The following ITPK1 variants were observed in gnomAD, a reference collection of about 807,000 sequenced individuals.
ITPK1 encodes the protein inositol-tetrakisphosphate 1-kinase, also known as inositol 1,3,4-trisphosphate 5/6-kinase.
ITPK1 carries 21 observed loss-of-function variants against 45.3 expected under a neutral mutation model. The ratio of observed to expected loss-of-function variants is 0.46; its 90% CI spans 0.33 to 0.67. ITPK1 has a LOEUF of 0.67. Ranked by LOEUF, ITPK1 falls within the 30% of genes least tolerant of loss-of-function variation. The probability of loss-of-function intolerance (pLI) is 0.02; values close to 1 mark genes in which losing one functional copy is unlikely to be tolerated. For missense variants in ITPK1, 474 were observed against 573.5 expected (o/e 0.83, Z 1.77); for synonymous variants, 258 against 253.6 (o/e 1.02, Z -0.16).
intron 3 of ITPK1, among the ~76,000 whole-genome samples, chr14:93,065,836 G>A (rs1203768940): frequency 6.6e-6 from 1 of 152,228 alleles, no homozygotes; most frequent in Non-Finnish European, 1.5e-5. Flanking sequence ...GGGACATAGG[G>A]ATGGTGGGAA....
At chr14:93,026,234 A>T (rs1374444772) in intron 3 of ITPK1, among the ~76,000 whole-genome samples, 1 of 152,250 alleles carries the variant, frequency 6.6e-6, no homozygotes, top group Non-Finnish European at 1.5e-5. Flanking sequence ...TTATATTTGC[A>T]GCTTATATCA....
chr14:92,946,219 T>A lies in ITPK1; in HGVS notation c.901+112A>T. 3 of 1,267,162 alleles carry A rather than the reference T, an allele frequency of 2.4e-6. No homozygotes were observed. The East Asian group carries it at 7.0e-5, about 29-fold the overall frequency. The allele number at this position is 1,267,162 out of a possible 1,614,324, so 78.5% of individuals were successfully genotyped here. On this transcript the variant is annotated intron_variant, in intron 10 of 10. Transcript: ENST00000267615. ...CGGGGCTGCACCTCCCCGGACCTCG[T>A]GGTGAGGGAGAAAGCTGGCTTTCTG... is the stretch of plus-strand genomic sequence containing the variant.
At position 92,962,841 on chromosome 14, in the gene ITPK1, T is replaced by C. The variant is rs748180262; in HGVS notation, c.373A>G (p.Ile125Val). ...AGCTCCATGAAGGGTGGCGAGCAGA[T>C]CCTGTCGTCTAGGGCAGAAGGGAGG... ...KIEAYMEDDR[I>V]CSPPFMELTS... The change falls in exon 6 of 11, where the codon ATC becomes GTC. Residue 125 changes from isoleucine to valine, a missense_variant. By Grantham distance (29) the Ile-to-Val change is conservative (BLOSUM62 3). Coordinates refer to ENST00000267615, the MANE Select transcript of ITPK1 (RefSeq NM_014216.6). 6.2e-7 allele frequency: 1 copy of C among 1,612,602 alleles called. No individual in the cohort carries two copies. Among genetic ancestry groups the C allele is most frequent in the Non-Finnish European group, 8.5e-7 (1 of 1,179,018 alleles).
At chr14:92,970,228 G>A (rs1457403009) in intron 5 of ITPK1, among the ~76,000 whole-genome samples, 2 of 152,214 alleles carry the variant, frequency 1.3e-5, no homozygotes, top group Non-Finnish European at 2.9e-5. Flanking sequence ...CCAGCCCGAC[G>A]CTGGACCTGG....
At chr14:93,055,000 G>T (rs1044249541) in intron 3 of ITPK1, among the ~76,000 whole-genome samples, 1 of 152,118 alleles carries the variant, frequency 6.6e-6, no homozygotes, top group Admixed American at 6.5e-5. Flanking sequence ...AAAGGTGACC[G>T]CCAGCCTGCC....
intron 3 of ITPK1, among the ~76,000 whole-genome samples, chr14:93,048,541 C>T (rs1199486727): frequency 6.6e-6 from 1 of 152,218 alleles, no homozygotes; most frequent in Admixed American, 6.5e-5. Flanking sequence ...GTCCACGTGC[C>T]TGTCGCCTCA....
chr14:92,964,640 G>T (rs1885253675), intron 5 of ITPK1, among the ~76,000 whole-genome samples: 1 of 152,220 alleles, frequency 6.6e-6, no homozygotes. Context: ...CTTCGGACGG[G>T]CGCTCACCAG....
intron 3 of ITPK1, among the ~76,000 whole-genome samples, chr14:93,052,657 C>T (rs925368464): frequency 6.6e-6 from 1 of 152,258 alleles, no homozygotes; most frequent in African/African-American, 2.4e-5. Context: ...CAAGCCTCAC[C>T]GGCCTTCTGG....
chr14:92,948,758 C>T (rs946515871), intron 9 of ITPK1, among the ~76,000 whole-genome samples: 5 of 152,186 alleles, frequency 3.3e-5, no homozygotes, highest in Non-Finnish European at 5.9e-5. Flanking sequence ...TGGGAACTTC[C>T]AGGGAGGGAA....
intron 2 of ITPK1, among the ~76,000 whole-genome samples, chr14:93,077,088 C>G (rs1417419496): frequency 6.6e-6 from 1 of 152,204 alleles, no homozygotes; most frequent in African/African-American, 2.4e-5. Flanking sequence ...ACGGGAGGCC[C>G]ACACAGTCCT....
chr14:92,948,647 TA>T (rs36040096), intron 9 of ITPK1, among the ~76,000 whole-genome samples: 14,736 of 144,810 alleles, frequency 0.1, 747 homozygotes, highest in South Asian at 0.23. Context: ...GCACCTGAAT[TA>T]AAAAAAAAAA....
In ITPK1 at chr14:93,012,785, G is replaced by A. The variant is rs1005033161; in HGVS notation, c.246+3891C>T. 6.6e-6 allele frequency among the ~76,000 whole-genome samples: 1 copy of A among 152,230 alleles called. No homozygotes were observed. Among genetic ancestry groups the A allele is most frequent in the Non-Finnish European group, 1.5e-5 (1 of 68,030 alleles). On this transcript the variant is annotated intron_variant, in intron 4 of 10. Coordinates refer to ENST00000267615, the MANE Select transcript of ITPK1 (RefSeq NM_014216.6). The surrounding 1 kb of genome is among the most constrained non-coding windows in gnomAD (Gnocchi z 4.9). ...TGATAAAGACAGGGCAAAGGCAGCA[G>A]TTGAGACTGAAACTTCCTTCTTAGT...
In ITPK1 at chr14:93,032,043, G is replaced by C. The variant is rs1040550333; in HGVS notation, c.121-15242C>G. ...TTCCTTGAGGCAGTTTTCCAAACTG[G>C]TATTTGATATAATAGTAACAAAGCA... is the stretch of plus-strand genomic sequence containing the variant. On this transcript the variant is annotated intron_variant, in intron 3 of 10. Coordinates refer to ENST00000267615, the MANE Select transcript of ITPK1 (RefSeq NM_014216.6). The surrounding 1 kb of genome is among the most constrained non-coding windows in gnomAD (Gnocchi z 4.0). 5.9e-5 allele frequency among the ~76,000 whole-genome samples: 9 copies of C among 152,160 alleles called. No individual in the cohort carries two copies. The highest frequency in any genetic ancestry group is 2.2e-4 in the African/African-American group (9 of 41,442).
chr14:92,959,553 G>A (rs79483848), intron 7 of ITPK1, among the ~76,000 whole-genome samples: 2,463 of 152,260 alleles, frequency 0.016, 28 homozygotes, highest in Non-Finnish European at 0.026. Context: ...GGAAAAACAC[G>A]AGCAGCTCTG....
At chr14:93,089,910 TAG>T in intron 2 of ITPK1, among the ~76,000 whole-genome samples, 1 of 152,134 alleles carries the variant, frequency 6.6e-6, no homozygotes, top group Non-Finnish European at 1.5e-5. Flanking sequence ...CCCTGGGCAT[TAG>T]AGAGAAATGT....
Position 92,938,513 on chromosome 14 carries a change from C to T in ITPK1, c.*3048G>A, listed in dbSNP as rs771683591. On this transcript the variant is annotated 3_prime_UTR_variant, in exon 11 of 11. Coordinates refer to ENST00000267615, the MANE Select transcript of ITPK1 (RefSeq NM_014216.6). ...CGGTCTTCCAGCCTTCTATAAAGCA[C>T]ACTTGGCAGTCCCCTGGGTACAGAG... The T allele has an allele frequency of 3.7e-6, 6 of 1,613,428 alleles. No homozygotes were observed. The South Asian group carries it at 4.4e-5, about 12-fold the overall frequency.
At chr14:92,946,766 C>T (rs909107996) in intron 9 of ITPK1, among the ~76,000 whole-genome samples, 1 of 152,254 alleles carries the variant, frequency 6.6e-6, no homozygotes, top group South Asian at 2.1e-4. Flanking sequence ...CACAGGGAAA[C>T]CGGAGCTCAG....
At chr14:92,975,609 T>C (rs1885901526) in intron 5 of ITPK1, among the ~76,000 whole-genome samples, 1 of 152,212 alleles carries the variant, frequency 6.6e-6, no homozygotes, top group Non-Finnish European at 1.5e-5. Context: ...ATTGGTAAAC[T>C]GAGTCAAGCA....
chr14:92,970,312 T>C (rs1414354150), intron 5 of ITPK1, among the ~76,000 whole-genome samples: 1 of 152,152 alleles, frequency 6.6e-6, no homozygotes, highest in Non-Finnish European at 1.5e-5. Flanking sequence ...CTCTATAAAA[T>C]GGGAGTGTTG....
Sources: allele counts gnomAD v4.1 joint callset (sites outside exome capture counted in the v4.1 genomes callset), GRCh38; gene constraint gnomAD v4.1.1; non-coding constraint Gnocchi (gnomAD v3.1); transcripts MANE v1.5; gene names NCBI Gene and HGNC (gene_info 2026-07-23, HGNC 2026-07-21).